The following LINGO2 variants were observed in gnomAD, a reference collection of about 807,000 sequenced individuals.
LINGO2 encodes the protein leucine-rich repeat and immunoglobulin-like domain-containing nogo receptor-interacting protein 2.
LINGO2 carries 14 observed loss-of-function variants against 30.6 expected under a neutral mutation model. The observed-to-expected ratio is 0.46, with a 90% CI of 0.30 to 0.72. LINGO2 has a LOEUF of 0.72. LINGO2 is among the 30% of genes least tolerant of loss of function. The pLI, the probability that LINGO2 is intolerant of heterozygous loss-of-function variation, is 0.07. For missense variants in LINGO2, 729 were observed against 751.7 expected (o/e 0.97, Z 0.35); for synonymous variants, 317 against 288.5 (o/e 1.10, Z -1.00).
chr9:28,871,961 C>A, the LINGO2 span, among the ~76,000 whole-genome samples: 1 of 151,904 alleles, frequency 6.6e-6, no homozygotes. Flanking sequence ...ATAAGTTTTG[C>A]ACCAAGATGT....
intron 4 of LINGO2, among the ~76,000 whole-genome samples, chr9:28,132,136 AC>A (rs1192888767): frequency 6.6e-6 from 1 of 152,184 alleles, no homozygotes; most frequent in Non-Finnish European, 1.5e-5. Flanking sequence ...GTTTTAGTAA[AC>A]TGATAGATAT....
chr9:28,096,494 T>G (rs1358513507), intron 4 of LINGO2, among the ~76,000 whole-genome samples: 2 of 152,160 alleles, frequency 1.3e-5, no homozygotes, highest in African/African-American at 4.8e-5. Flanking sequence ...TTCTCACAAT[T>G]CCTTGGCTAG....
chr9:28,261,146 T>G (rs1207728194), intron 4 of LINGO2, among the ~76,000 whole-genome samples: 1 of 152,010 alleles, frequency 6.6e-6, no homozygotes, highest in East Asian at 1.9e-4. Flanking sequence ...TTTTATACAA[T>G]TCAATCCCTA....
At chr9:29,111,699 T>C in the LINGO2 span, among the ~76,000 whole-genome samples, 2 of 151,602 alleles carry the variant, frequency 1.3e-5, no homozygotes, top group South Asian at 2.1e-4. Context: ...ATATTCTACC[T>C]ATGCAGAATG....
the LINGO2 span, among the ~76,000 whole-genome samples, chr9:28,688,561 C>T: frequency 6.6e-6 from 1 of 152,090 alleles, no homozygotes; most frequent in Non-Finnish European, 1.5e-5. Flanking sequence ...AGGGAAATTG[C>T]CCGAGGAAGA....
At chr9:28,853,605 C>T in the LINGO2 span, among the ~76,000 whole-genome samples, 1 of 151,906 alleles carries the variant, frequency 6.6e-6, no homozygotes. Flanking sequence ...GTTTAATTGA[C>T]TAACAGTTCC....
chr9:28,780,515 T>G, the LINGO2 span, among the ~76,000 whole-genome samples: 1 of 152,136 alleles, frequency 6.6e-6, no homozygotes, highest in Non-Finnish European at 1.5e-5. Flanking sequence ...AATGACTTCA[T>G]GTCAGGAATG....
chr9:28,983,318 CAAAAA>C, the LINGO2 span, among the ~76,000 whole-genome samples: 1 of 130,978 alleles, frequency 7.6e-6, no homozygotes, highest in Non-Finnish European at 1.6e-5. Context: ...ATGAGGTATC[CAAAAA>C]AAAAAAAAAA....
rs556211923 is a variant in LINGO2 at position 28,047,042 on chromosome 9, TAGC to T, written c.-86-34640_-86-34638del. ...CCCCTAGCAGCCCCTAAGTAATGCT[TAGC>T]AGATTGTAGGGAACCCAAACAATCC... On this transcript the variant is annotated intron_variant, in intron 4 of 5. Transcript: ENST00000379992. Among the ~76,000 whole-genome samples, 4 of 152,194 alleles carry T rather than the reference TAGC, an allele frequency of 2.6e-5. No homozygotes were observed. The South Asian group carries it at 6.2e-4, about 24-fold the overall frequency.
the LINGO2 span, among the ~76,000 whole-genome samples, chr9:28,682,716 T>C: frequency 2.6e-5 from 4 of 152,226 alleles, no homozygotes; most frequent in South Asian, 8.3e-4. Flanking sequence ...TAAAATAATT[T>C]GCAAGGGGTT....
the LINGO2 span, among the ~76,000 whole-genome samples, chr9:28,839,437 G>A: frequency 6.6e-6 from 1 of 152,096 alleles, no homozygotes; most frequent in Non-Finnish European, 1.5e-5. Flanking sequence ...TCCAGAGTAG[G>A]TAACTCCTAT....
At chr9:28,742,152 T>C in the LINGO2 span, among the ~76,000 whole-genome samples, 1 of 151,948 alleles carries the variant, frequency 6.6e-6, no homozygotes, top group Non-Finnish European at 1.5e-5. Flanking sequence ...TGAGGCAAAA[T>C]CTAATGCTCA....
the LINGO2 span, among the ~76,000 whole-genome samples, chr9:29,048,890 A>T: frequency 6.6e-6 from 1 of 152,188 alleles, no homozygotes; most frequent in Admixed American, 6.5e-5. Flanking sequence ...AAAAATCTCC[A>T]ACACATTGAT....
At chr9:28,719,429 G>A in the LINGO2 span, among the ~76,000 whole-genome samples, 1 of 152,036 alleles carries the variant, frequency 6.6e-6, no homozygotes, top group African/African-American at 2.4e-5. Context: ...TTGTCTCCCT[G>A]TAATCTATTG....
chr9:29,091,020 CA>C, the LINGO2 span, among the ~76,000 whole-genome samples: 1 of 151,986 alleles, frequency 6.6e-6, no homozygotes, highest in Non-Finnish European at 1.5e-5. Flanking sequence ...ACATGAAACA[CA>C]AATTCTTCTG....
chr9:28,158,573 A>G (rs927842694), intron 4 of LINGO2, among the ~76,000 whole-genome samples: 1 of 152,132 alleles, frequency 6.6e-6, no homozygotes, highest in Non-Finnish European at 1.5e-5. Flanking sequence ...TCAAAATTGG[A>G]TTAAAACTCA....
At chr9:28,284,509 T>C (rs1823438177) in intron 4 of LINGO2, among the ~76,000 whole-genome samples, 1 of 152,328 alleles carries the variant, frequency 6.6e-6, no homozygotes, top group South Asian at 2.1e-4. Context: ...ATAAGTATTA[T>C]TTTATCATGT....
At chr9:28,674,741 C>A (rs141197050), upstream of LINGO2, among the ~76,000 whole-genome samples, 2 of 152,050 alleles carry the variant, frequency 1.3e-5, no homozygotes, top group East Asian at 1.9e-4. Context: ...CATTAACACA[C>A]GGGACAACAC....
chr9:28,670,580 T>C (rs572153128), upstream of LINGO2, among the ~76,000 whole-genome samples: 1 of 152,260 alleles, frequency 6.6e-6, no homozygotes, highest in Non-Finnish European at 1.5e-5. Context: ...ACCAAATAAT[T>C]TGTAAATGAA....
Sources: allele counts gnomAD v4.1 joint callset (sites outside exome capture counted in the v4.1 genomes callset), GRCh38; gene constraint gnomAD v4.1.1; transcripts MANE v1.5; gene names NCBI Gene and HGNC (gene_info 2026-07-23, HGNC 2026-07-21).